The following MAN2A1 variants were observed in gnomAD, a reference collection of about 807,000 sequenced individuals.
MAN2A1 encodes the protein alpha-mannosidase 2.
In MAN2A1, 76 loss-of-function variants were observed where a neutral mutation model predicts 142.6. The observed-to-expected ratio is 0.53, with a 90% confidence interval of 0.44 to 0.65. The LOEUF (loss-of-function observed/expected upper bound fraction) is 0.65. Among genes scored for constraint, MAN2A1 ranks in the 30% least tolerant of loss-of-function variants. The pLI, the probability that MAN2A1 is intolerant of heterozygous loss-of-function variation, is 0.00. For missense variants in MAN2A1, 1,311 were observed against 1,365.1 expected (o/e 0.96, Z 0.62); for synonymous variants, 559 against 473.2 (o/e 1.18, Z -2.35).
intron 3 of MAN2A1, among the ~76,000 whole-genome samples, chr5:109,720,508 TATTCA>T (rs1295347076): frequency 1.3e-5 from 2 of 152,202 alleles, no homozygotes; most frequent in Non-Finnish European, 2.9e-5. Context: ...CAAATATTTC[TATTCA>T]AATATTTTCA....
At chr5:109,775,037 A>G in intron 8 of MAN2A1, 72 bp downstream of exon 8, 1 of 1,025,638 alleles carries the variant, frequency 9.8e-7, no homozygotes. Context: ...ATAAACAGAA[A>G]TCCTTAGCTT....
At chr5:109,816,058 G>C (rs1438257031) in intron 12 of MAN2A1, among the ~76,000 whole-genome samples, 1 of 152,212 alleles carries the variant, frequency 6.6e-6, no homozygotes, top group African/African-American at 2.4e-5. Context: ...AGTCTGCAAT[G>C]TGATGGTCTA....
At chr5:109,715,619 A>G (rs533426270) in intron 2 of MAN2A1, among the ~76,000 whole-genome samples, 2 of 152,188 alleles carry the variant, frequency 1.3e-5, no homozygotes, top group African/African-American at 2.4e-5. Flanking sequence ...ATAGGTAGAT[A>G]TAACATATGC....
At chr5:109,765,359 C>G (rs1752962062) in intron 5 of MAN2A1, among the ~76,000 whole-genome samples, 1 of 151,996 alleles carries the variant, frequency 6.6e-6, no homozygotes, top group African/African-American at 2.4e-5. Context: ...TGATGGGATT[C>G]AAGTTATTTA....
At chr5:109,769,198 T>C (rs1245459811) in intron 6 of MAN2A1, among the ~76,000 whole-genome samples, 1 of 152,172 alleles carries the variant, frequency 6.6e-6, no homozygotes, top group Non-Finnish European at 1.5e-5. Flanking sequence ...GTCACCGTTG[T>C]GAATATGATT....
At chr5:109,713,396 G>A in intron 1 of MAN2A1, 124 bp from the exon 2 acceptor site, 1 of 674,026 alleles carries the variant, frequency 1.5e-6, no homozygotes, top group Non-Finnish European at 2.3e-6. Flanking sequence ...ACTTATAAAA[G>A]TGGAAAGTGA....
chr5:109,811,493 T>C (rs976823240), intron 12 of MAN2A1, among the ~76,000 whole-genome samples: 3 of 152,116 alleles, frequency 2.0e-5, no homozygotes, highest in Admixed American at 1.3e-4. Context: ...TCTGCGTATA[T>C]TATACATTCT....
At chr5:109,748,401 CTTT>C (rs11343270) in intron 4 of MAN2A1, among the ~76,000 whole-genome samples, 2 of 133,794 alleles carry the variant, frequency 1.5e-5, no homozygotes, top group African/African-American at 2.7e-5. Flanking sequence ...TATCTTTTGC[CTTT>C]TTTTTTTTTT....
At chr5:109,735,905 T>A (rs572154089) in intron 4 of MAN2A1, among the ~76,000 whole-genome samples, 1 of 137,416 alleles carries the variant, frequency 7.3e-6, no homozygotes, top group Non-Finnish European at 1.5e-5. Context: ...TTTTTCCCTC[T>A]TGATAGGAGG....
intron 4 of MAN2A1, among the ~76,000 whole-genome samples, chr5:109,742,630 C>T (rs1405604831): frequency 6.6e-6 from 1 of 152,188 alleles, no homozygotes; most frequent in South Asian, 2.1e-4. Flanking sequence ...CAGACTAATT[C>T]ATTATACGTT....
At chr5:109,850,956 A>G (rs1337691567) in intron 19 of MAN2A1, among the ~76,000 whole-genome samples, 1 of 152,232 alleles carries the variant, frequency 6.6e-6, no homozygotes, top group African/African-American at 2.4e-5. Context: ...AATTGATGAA[A>G]GTTAATACCA....
chr5:109,692,515 G>A (rs1750700060), intron 1 of MAN2A1, among the ~76,000 whole-genome samples: 1 of 152,108 alleles, frequency 6.6e-6, no homozygotes, highest in African/African-American at 2.4e-5. Context: ...ATCTTACAGG[G>A]TAAAACTTAA....
At chr5:109,783,576 T>A (rs1018266847) in intron 9 of MAN2A1, among the ~76,000 whole-genome samples, 1 of 152,188 alleles carries the variant, frequency 6.6e-6, no homozygotes, top group Non-Finnish European at 1.5e-5. Context: ...TTCTACAGTT[T>A]AGAGAAATGC....
At chr5:109,790,156 C>T (rs1177702404) in intron 12 of MAN2A1, among the ~76,000 whole-genome samples, 5 of 151,860 alleles carry the variant, frequency 3.3e-5, no homozygotes, top group Non-Finnish European at 7.4e-5. Context: ...ATTTGTTGGT[C>T]ATTTCCTAGT....
At chr5:109,745,088 T>C (rs1752364536) in intron 4 of MAN2A1, among the ~76,000 whole-genome samples, 1 of 151,948 alleles carries the variant, frequency 6.6e-6, no homozygotes, top group Non-Finnish European at 1.5e-5. Context: ...TGTCAGAGTG[T>C]TTTTTGGGGG....
intron 12 of MAN2A1, among the ~76,000 whole-genome samples, chr5:109,810,702 C>T (rs1754292685): frequency 6.6e-6 from 1 of 152,096 alleles, no homozygotes; most frequent in Non-Finnish European, 1.5e-5. Context: ...ATTGGCATGC[C>T]CCAGAGTGAA....
intron 1 of MAN2A1, among the ~76,000 whole-genome samples, chr5:109,703,967 G>A (rs1203627612): frequency 6.6e-6 from 1 of 152,190 alleles, no homozygotes; most frequent in African/African-American, 2.4e-5. Flanking sequence ...AACTCATAGG[G>A]TGGAGCTGGT....
At chr5:109,736,168 C>T (rs1157699107) in intron 4 of MAN2A1, among the ~76,000 whole-genome samples, 2 of 152,048 alleles carry the variant, frequency 1.3e-5, no homozygotes, top group African/African-American at 4.8e-5. Context: ...AGGATATGCA[C>T]ACATATGCAT....
chr5:109,804,266 C>T (rs935489846), intron 12 of MAN2A1: 1 of 987,334 alleles, frequency 1.0e-6, no homozygotes, highest in Non-Finnish European at 1.2e-6. Flanking sequence ...CAGAACACCT[C>T]ACAACTTTGT....
Sources: gnomAD v4.1 joint callset for allele counts (sites outside exome capture counted in the v4.1 genomes callset) on GRCh38, gnomAD v4.1.1 for gene constraint, MANE v1.5 for transcripts, NCBI Gene and HGNC (gene_info 2026-07-23, HGNC 2026-07-21) for gene names.